DGAT2: variants seen among roughly 807,000 people sequenced by gnomAD.
The protein encoded by DGAT2 is acyl-CoA retinol O-fatty-acyltransferase.
A neutral mutation model predicts 48.4 loss-of-function variants in DGAT2; 33 were observed. That is an observed-to-expected ratio of 0.68 (90% CI 0.52 to 0.91). The LOEUF is 0.91. DGAT2 is among the 40% of genes least tolerant of loss of function. The pLI is 0.00. For missense variants in DGAT2, 446 were observed against 493.7 expected, an observed-to-expected ratio of 0.90 and a Z score of 0.92; for synonymous variants, 191 against 194.1, an observed-to-expected ratio of 0.98 and a Z score of 0.13.
chr11:75,786,751 G>A (rs947306727), intron 2 of DGAT2, among the ~76,000 whole-genome samples: 4 of 152,176 alleles, frequency 2.6e-5, no homozygotes, highest in Non-Finnish European at 4.4e-5. Context: ...CCTGCTGGCA[G>A]AAGCTCACCT....
In DGAT2 at chr11:75,768,924, CG is replaced by C; in HGVS notation, c.-64del. On this transcript the variant is annotated 5_prime_UTR_variant, in exon 1 of 8. Transcript: ENST00000228027. ...TGCGCGAAGCCCTGGCCCCGGGGGC[CG>C]GGGCATGGGCCAGGGGCGCGGGGTG... 1.5e-6 allele frequency: 2 copies of C among 1,369,370 alleles called. No individual in the cohort carries two copies. The highest frequency in any genetic ancestry group is 1.7e-5 in the South Asian group (1 of 58,548). 84.8% of individuals were successfully genotyped at this position (1,369,370 alleles called of 1,614,324 possible).
intron 2 of DGAT2, among the ~76,000 whole-genome samples, chr11:75,789,540 C>G (rs1369960692): frequency 6.6e-6 from 1 of 152,160 alleles, no homozygotes; most frequent in Non-Finnish European, 1.5e-5. Flanking sequence ...GGAGCCAGCC[C>G]TCCTCCTGGG....
At chr11:75,774,781 A>G (rs1395716724) in intron 1 of DGAT2, among the ~76,000 whole-genome samples, 1 of 152,138 alleles carries the variant, frequency 6.6e-6, no homozygotes, top group African/African-American at 2.4e-5. Context: ...TGTGATGGGG[A>G]CGTATTTTGG....
chr11:75,797,476 GC>G, intron 6 of DGAT2, 144 bp downstream of exon 6: 2 of 1,052,992 alleles, frequency 1.9e-6, no homozygotes, highest in African/African-American at 1.7e-5. Context: ...GGATGTTGGA[GC>G]CCAGACTGCA....
intron 1 of DGAT2, among the ~76,000 whole-genome samples, chr11:75,781,158 T>C (rs10899121): frequency 0.2 from 30,039 of 152,196 alleles, 4,577 homozygotes; most frequent in African/African-American, 0.43. Flanking sequence ...AATAGGTTAT[T>C]TCTGTGGGTG....
rs368031174 is a variant in DGAT2, at chr11:75,769,758, G to A, written c.121+646G>A. ...CCCCCACCTCCCTTACCTAGAGCTG[G>A]AGAAACTGAAGTGGGAGGAAGCATG... is the stretch of plus-strand genomic sequence containing the variant. On this transcript the variant is annotated intron_variant, in intron 1 of 7. Transcript: ENST00000228027. Among the ~76,000 whole-genome samples, 375 of 152,214 alleles carry A rather than the reference G, an allele frequency of 2.5e-3. 1 individual carries two copies. Among genetic ancestry groups the A allele is most frequent in the Middle Eastern group, 0.01 (3 of 294 alleles).
At chr11:75,780,614 A>C (rs979067459) in intron 1 of DGAT2, among the ~76,000 whole-genome samples, 6 of 152,156 alleles carry the variant, frequency 3.9e-5, no homozygotes, top group Non-Finnish European at 7.4e-5. Flanking sequence ...TCTGAAGGAA[A>C]ACAGATCATT....
At chr11:75,784,516 T>C in intron 1 of DGAT2, 102 bp from the exon 2 acceptor site, 1 of 1,491,372 alleles carries the variant, frequency 6.7e-7, no homozygotes, top group Non-Finnish European at 9.1e-7. Flanking sequence ...CTGATGCTCT[T>C]CTCATATCTA....
chr11:75,782,567 C>T (rs1447102467), intron 1 of DGAT2, among the ~76,000 whole-genome samples: 4 of 152,218 alleles, frequency 2.6e-5, no homozygotes. Context: ...AGCCCCAGCC[C>T]TTGGATCAAG....
intron 2 of DGAT2, among the ~76,000 whole-genome samples, chr11:75,787,197 A>G (rs996990796): frequency 6.6e-6 from 1 of 152,244 alleles, no homozygotes; most frequent in Non-Finnish European, 1.5e-5. Context: ...ACATTTCCAT[A>G]AGAGATAAGT....
rs1945106336 is a variant in DGAT2, at chr11:75,800,879, C to T, written c.*371C>T. On this transcript the variant is annotated 3_prime_UTR_variant, in exon 8 of 8. Transcript: ENST00000228027. The stretch of plus-strand genomic sequence containing the variant: ...CCCTAGGGATGAGAGGCGAAAGCCA[C>T]TTCTCATACAAGCCCCTTTATTGCC... 3 of 229,154 alleles carry T rather than the reference C, an allele frequency of 1.3e-5. No individual in the cohort carries two copies. The South Asian group carries it at 1.6e-4, about 13-fold the overall frequency. The allele number at this position is 229,154 out of a possible 1,614,324, so 14.2% of individuals were successfully genotyped here.
intron 3 of DGAT2, 86 bp from the exon 4 acceptor site, chr11:75,790,575 G>T: frequency 7.8e-7 from 1 of 1,273,912 alleles, no homozygotes; most frequent in Non-Finnish European, 1.1e-6. Context: ...ATGGTCACCT[G>T]CTTGGGTTTC....
intron 3 of DGAT2, 72 bp from the exon 4 acceptor site, chr11:75,790,589 C>T: frequency 7.0e-7 from 1 of 1,428,518 alleles, no homozygotes; most frequent in Non-Finnish European, 9.9e-7. Flanking sequence ...GGGTTTCACA[C>T]TGGCCCTGTC....
In DGAT2 at chr11:75,798,296, C is replaced by A; in HGVS notation, c.879C>A (p.Gly293=). Residue 293 remains glycine (G), a synonymous_variant, in exon 7 of 8, where the codon GGC becomes GGA. Coordinates refer to ENST00000228027, the MANE Select transcript of DGAT2 (RefSeq NM_032564.5). ...ACAAGCAGGTGATCTTCGAGGAGGG[C>A]TCCTGGGGCCGATGGGTCCAGAAGA... ...EVYKQVIFEE[G]SWGRWVQKKF... 2 of 1,614,216 alleles carry A rather than the reference C, an allele frequency of 1.2e-6. No individual in the cohort carries two copies. Among genetic ancestry groups the A allele is most frequent in the Non-Finnish European group, 1.7e-6 (2 of 1,180,044 alleles).
chr11:75,776,277 C>T (rs11825799), intron 1 of DGAT2: 22,497 of 152,222 alleles, frequency 0.15, 1,823 homozygotes, highest in African/African-American at 0.2. Context: ...CAGCAAACAT[C>T]GATCGAGCAC....
chr11:75,772,465 A>AG (rs1322273345), intron 1 of DGAT2, among the ~76,000 whole-genome samples: 1 of 152,118 alleles, frequency 6.6e-6, no homozygotes, highest in African/African-American at 2.4e-5. Flanking sequence ...GTCTTACCTC[A>AG]GCGCCTTTGC....
rs1321840439 is a variant in DGAT2, at chr11:75,800,507, G to C, written c.1166G>C (p.Ter389SerextTer71). The change falls in exon 8 of 8, where the codon TGA becomes TCA. Residue 389 changes from the stop codon to serine, a stop_lost. Coordinates refer to ENST00000228027, the MANE Select transcript of DGAT2 (RefSeq NM_032564.5). ...LPETEVLEVN[*>S] is the part of the protein sequence containing the mutation. ...GAGACTGAGGTCCTGGAGGTGAACT[G>C]AGCCAGCCTTCGGGGCCAATTCCCT... The C allele has an allele frequency of 2.5e-6, 4 of 1,613,822 alleles. No homozygotes were observed. In the Admixed American group the frequency reaches 5.0e-5, roughly 20 times the overall value.
chr11:75,796,674 G>T, intron 5 of DGAT2, 142 bp downstream of exon 5: 2 of 821,932 alleles, frequency 2.4e-6, no homozygotes, highest in South Asian at 3.5e-5. Context: ...TTCAGACATG[G>T]TGGGTCAGGG....
chr11:75,800,315 G>A (rs750942390), intron 7 of DGAT2, 39 bp from the exon 8 acceptor site: 1 of 1,604,304 alleles, frequency 6.2e-7, no homozygotes. Context: ...CCAGGGGAAG[G>A]GTGTTGACTA....
Sources: gnomAD v4.1 joint callset for allele counts (sites outside exome capture counted in the v4.1 genomes callset) on GRCh38, gnomAD v4.1.1 for gene constraint, MANE v1.5 for transcripts, NCBI Gene and HGNC (gene_info 2026-07-23, HGNC 2026-07-21) for gene names.